The following NELL1 variants were observed in gnomAD, a reference collection of about 807,000 sequenced individuals.
NELL1 encodes the protein protein kinase C-binding protein NELL1.
A neutral mutation model predicts 107.4 loss-of-function variants in NELL1; 76 were observed. That is an observed-to-expected ratio of 0.71 (90% confidence interval 0.59 to 0.86). The LOEUF is 0.86. Among genes scored for constraint, NELL1 ranks in the 40% least tolerant of loss-of-function variants. The probability of loss-of-function intolerance (pLI) is 0.00; values close to 1 mark genes in which losing one functional copy is unlikely to be tolerated. For synonymous variants in NELL1, 353 were observed against 341.2 expected, an observed-to-expected ratio of 1.03 and a Z score of -0.38; for missense variants, 1,024 against 1,005.5, an observed-to-expected ratio of 1.02 and a Z score of -0.25.
At chr11:20,767,504 A>G (rs919961084) in intron 2 of NELL1, among the ~76,000 whole-genome samples, 3 of 152,168 alleles carry the variant, frequency 2.0e-5, no homozygotes, top group African/African-American at 7.2e-5. Context: ...TTAGCTAGAC[A>G]TAGAGCGCTG....
intron 12 of NELL1, among the ~76,000 whole-genome samples, chr11:21,085,591 A>C (rs1419655898): frequency 6.6e-6 from 1 of 152,184 alleles, no homozygotes; most frequent in Non-Finnish European, 1.5e-5. Flanking sequence ...AACCATGATC[A>C]CACCACTGCA....
At chr11:20,681,813 T>A (rs1211133335) in intron 2 of NELL1, among the ~76,000 whole-genome samples, 1 of 152,108 alleles carries the variant, frequency 6.6e-6, no homozygotes, top group African/African-American at 2.4e-5. Context: ...CATTGCCTGT[T>A]GGAGCTTCCA....
chr11:20,795,420 G>A (rs542211839), intron 3 of NELL1, among the ~76,000 whole-genome samples: 2 of 152,136 alleles, frequency 1.3e-5, no homozygotes, highest in African/African-American at 4.8e-5. Flanking sequence ...TTTTACAGTA[G>A]CAATAGAGTG....
In NELL1 at chr11:20,840,167, T is replaced by C. The variant is rs59517265; in HGVS notation, c.336-7416T>C. ...TTTTTATAAGTTAAAAGAAAATGTA[T>C]AGTTATATATCTGTGGTGCTATTTA... is the stretch of plus-strand genomic sequence containing the variant. On this transcript the variant is annotated intron_variant, in intron 3 of 19. Coordinates refer to ENST00000357134, the MANE Select transcript of NELL1 (RefSeq NM_006157.5). Among the ~76,000 whole-genome samples the C allele has an allele frequency of 4.5e-3, 691 of 152,346 alleles. 6 individuals carry two copies. Among genetic ancestry groups the C allele is most frequent in the African/African-American group, 0.015 (642 of 41,574 alleles).
intron 15 of NELL1, among the ~76,000 whole-genome samples, chr11:21,388,252 A>T (rs771514988): frequency 1.3e-5 from 2 of 151,812 alleles, no homozygotes; most frequent in African/African-American, 4.8e-5. Context: ...TGGGGTCACA[A>T]TATGCCTTTT....
chr11:21,415,289 C>T (rs1230989314), intron 15 of NELL1, among the ~76,000 whole-genome samples: 1 of 152,066 alleles, frequency 6.6e-6, no homozygotes, highest in Non-Finnish European at 1.5e-5. Flanking sequence ...TCAGCCGTGT[C>T]CAGAGGTGCA....
intron 15 of NELL1, among the ~76,000 whole-genome samples, chr11:21,449,739 T>C (rs1280225216): frequency 1.3e-5 from 2 of 152,222 alleles, no homozygotes; most frequent in Non-Finnish European, 2.9e-5. Flanking sequence ...GGGAAAGATA[T>C]AGATCAAAGA....
chr11:20,792,919 AT>A (rs1246814872), intron 3 of NELL1, among the ~76,000 whole-genome samples: 3 of 151,984 alleles, frequency 2.0e-5, no homozygotes, highest in African/African-American at 7.2e-5. Context: ...ATTTGAGTTA[AT>A]TCAAGGCTTT....
chr11:21,543,616 C>T (rs1856351213), intron 16 of NELL1, among the ~76,000 whole-genome samples: 1 of 152,018 alleles, frequency 6.6e-6, no homozygotes, highest in Non-Finnish European at 1.5e-5. Flanking sequence ...GATGATAAAT[C>T]AGGTGAGAAA....
At chr11:21,303,518 A>G (rs181415195) in intron 14 of NELL1, among the ~76,000 whole-genome samples, 201 of 152,020 alleles carry the variant, frequency 1.3e-3, no homozygotes, top group African/African-American at 4.1e-3. Context: ...TTCCCTCTCC[A>G]TGAGGATGTG....
At chr11:21,287,885 C>T (rs1849160079) in intron 14 of NELL1, among the ~76,000 whole-genome samples, 1 of 151,946 alleles carries the variant, frequency 6.6e-6, no homozygotes, top group African/African-American at 2.4e-5. Flanking sequence ...CTGTACAATG[C>T]ATCCCTTGGC....
At chr11:21,171,203 T>TA (rs150004392) in intron 13 of NELL1, among the ~76,000 whole-genome samples, 3,655 of 151,890 alleles carry the variant, frequency 0.024, 259 homozygotes, top group African/African-American at 0.085. Flanking sequence ...GTAGAACTCC[T>TA]AACAAAGGGT....
chr11:20,691,698 G>A (rs1317814527), intron 2 of NELL1, among the ~76,000 whole-genome samples: 1 of 151,760 alleles, frequency 6.6e-6, no homozygotes, highest in African/African-American at 2.4e-5. Flanking sequence ...GTATTTTATT[G>A]AGGATTTTTG....
At chr11:21,023,098 T>A (rs1233588448) in intron 12 of NELL1, among the ~76,000 whole-genome samples, 2 of 152,022 alleles carry the variant, frequency 1.3e-5, no homozygotes, top group Non-Finnish European at 2.9e-5. Context: ...GTATTTCAAA[T>A]TTATAGGGAA....
At chr11:21,324,588 G>A (rs994053782) in intron 14 of NELL1, among the ~76,000 whole-genome samples, 1 of 152,032 alleles carries the variant, frequency 6.6e-6, no homozygotes, top group Admixed American at 6.6e-5. Context: ...TTGATGTTTT[G>A]TAAGTGCCTG....
chr11:21,121,921 G>A (rs544535425), intron 13 of NELL1, among the ~76,000 whole-genome samples: 1 of 152,278 alleles, frequency 6.6e-6, no homozygotes, highest in South Asian at 2.1e-4. Context: ...ATTTCATTTA[G>A]TGATAGTAGT....
chr11:21,248,670 T>C (rs1230939513), intron 14 of NELL1, among the ~76,000 whole-genome samples: 6 of 152,156 alleles, frequency 3.9e-5, no homozygotes, highest in African/African-American at 1.2e-4. Context: ...CAGCGTTCTT[T>C]TACCCTGCTG....
At chr11:20,850,952 A>G (rs1848784373) in intron 4 of NELL1, among the ~76,000 whole-genome samples, 1 of 152,192 alleles carries the variant, frequency 6.6e-6, no homozygotes, top group Admixed American at 6.5e-5. Context: ...ACATAATATA[A>G]TAAGCATATA....
At chr11:21,357,573 G>A (rs1850964937) in intron 14 of NELL1, among the ~76,000 whole-genome samples, 1 of 152,132 alleles carries the variant, frequency 6.6e-6, no homozygotes. Flanking sequence ...TCCATAGTTA[G>A]TGAATATTTT....
Sources: gnomAD v4.1 joint callset for allele counts (sites outside exome capture counted in the v4.1 genomes callset) on GRCh38, gnomAD v4.1.1 for gene constraint, MANE v1.5 for transcripts, NCBI Gene and HGNC (gene_info 2026-07-23, HGNC 2026-07-21) for gene names.